Variants in EYS observed in about 807,000 individuals in gnomAD.
EYS encodes EGF-like photoreceptor maintenance factor.
A neutral mutation model predicts 282.1 loss-of-function variants in EYS; 250 were observed. The observed-to-expected ratio is 0.89, with a 90% CI of 0.80 to 0.98. The LOEUF is 0.98. EYS is among the 50% of genes least tolerant of loss of function. EYS has a pLI of 0.00. For missense variants in EYS, 4,016 were observed against 3,709.0 expected (o/e 1.08, Z -2.15); for synonymous variants, 1,355 against 1,282.9 (o/e 1.06, Z -1.20).
intron 21 of EYS, among the ~76,000 whole-genome samples, chr6:64,816,307 T>C (rs1764740275): frequency 6.6e-6 from 1 of 152,276 alleles, no homozygotes; most frequent in Non-Finnish European, 1.5e-5. Context: ...TAAATGCGTA[T>C]ATTCAAAATC....
chr6:63,827,830 G>A (rs1342007612), intron 36 of EYS, among the ~76,000 whole-genome samples: 2 of 132,628 alleles, frequency 1.5e-5, no homozygotes, highest in Non-Finnish European at 1.6e-5. Context: ...CGGCCTGGGC[G>A]ACAGAGCAAG....
chr6:64,926,682 C>T (rs1405471224), intron 15 of EYS, among the ~76,000 whole-genome samples: 1 of 152,054 alleles, frequency 6.6e-6, no homozygotes, highest in East Asian at 1.9e-4. Context: ...GTTGATCTCC[C>T]GTGTTCCTTT....
chr6:63,914,444 C>T (rs981200043), intron 35 of EYS, among the ~76,000 whole-genome samples: 1 of 152,124 alleles, frequency 6.6e-6, no homozygotes, highest in Non-Finnish European at 1.5e-5. Flanking sequence ...TGCAGTGGCT[C>T]ACGCCTGTAA....
intron 5 of EYS, among the ~76,000 whole-genome samples, chr6:65,480,283 A>G (rs6920934): frequency 0.074 from 11,333 of 152,222 alleles, 734 homozygotes; most frequent in African/African-American, 0.16. Context: ...GTTTTTCTAC[A>G]TATCACTAAT....
rs139342824 is a variant in EYS, at chr6:65,536,471, A to T, written c.-332-40478T>A. ...AATATTAACAATTATGTTTCACAACATGGAGGTAATTACTGGAGTTATCAA... is the reference window on the plus strand; with the variant it reads ...AATATTAACAATTATGTTTCACAACTTGGAGGTAATTACTGGAGTTATCAA... On this transcript the variant is annotated intron_variant, in intron 2 of 42. Transcript: ENST00000503581. Among the ~76,000 whole-genome samples the T allele has an allele frequency of 2.6e-5, 4 of 152,254 alleles. No individual in the cohort carries two copies. In the East Asian group the frequency reaches 7.7e-4, roughly 29 times the overall value.
At chr6:65,105,260 C>T (rs141996281) in intron 12 of EYS, among the ~76,000 whole-genome samples, 1 of 151,632 alleles carries the variant, frequency 6.6e-6, no homozygotes, top group East Asian at 1.9e-4. Flanking sequence ...TTTGCCTCTA[C>T]TGAAACAATT....
intron 2 of EYS, among the ~76,000 whole-genome samples, chr6:65,497,830 G>C (rs762919117): frequency 6.6e-6 from 1 of 151,918 alleles, no homozygotes; most frequent in Non-Finnish European, 1.5e-5. Flanking sequence ...ATGTTGTGTC[G>C]TTTTGCTTAA....
chr6:64,299,772 C>A (rs755281569), intron 30 of EYS, among the ~76,000 whole-genome samples: 32 of 152,238 alleles, frequency 2.1e-4, no homozygotes, highest in Admixed American at 5.9e-4. Flanking sequence ...AGAAGGTATG[C>A]TAAACATAGA....
intron 13 of EYS, among the ~76,000 whole-genome samples, chr6:65,041,946 C>G (rs1772949831): frequency 6.6e-6 from 1 of 151,654 alleles, no homozygotes; most frequent in Non-Finnish European, 1.5e-5. Flanking sequence ...ATGGTAGCAT[C>G]TCACTTCTAG....
At chr6:64,400,318 ATTATC>A (rs1478722768) in intron 28 of EYS, 1 of 152,036 alleles carries the variant, frequency 6.6e-6, no homozygotes, top group African/African-American at 2.4e-5. Flanking sequence ...TTTCAAAGAT[ATTATC>A]TTATCTGAAA....
intron 35 of EYS, among the ~76,000 whole-genome samples, chr6:63,956,809 CA>C (rs1765845328): frequency 6.6e-6 from 1 of 152,080 alleles, no homozygotes; most frequent in Admixed American, 6.6e-5. Flanking sequence ...CAGCACTTGC[CA>C]AAAAAGTTTA....
intron 36 of EYS, among the ~76,000 whole-genome samples, chr6:63,852,827 C>A (rs1746055929): frequency 6.6e-6 from 1 of 152,156 alleles, no homozygotes; most frequent in African/African-American, 2.4e-5. Flanking sequence ...GGTGGTTCTA[C>A]ATATGCAAAT....
intron 22 of EYS, among the ~76,000 whole-genome samples, chr6:64,691,801 T>G (rs549092451): frequency 7.9e-5 from 12 of 152,344 alleles, no homozygotes; most frequent in African/African-American, 2.2e-4. Flanking sequence ...AGCCTCCAGC[T>G]CCATCCATCT....
intron 34 of EYS, among the ~76,000 whole-genome samples, chr6:63,991,587 G>C (rs140766755): frequency 6.6e-6 from 1 of 151,368 alleles, no homozygotes; most frequent in African/African-American, 2.4e-5. Flanking sequence ...GAATTTCAAC[G>C]GCAGGCTTGG....
rs1227254475 is a variant in EYS, at chr6:64,667,161, A to G, written c.3444-40916T>C. Among the ~76,000 whole-genome samples the G allele has an allele frequency of 4.0e-5, 6 of 149,788 alleles. No individual in the cohort carries two copies. In the East Asian group the frequency reaches 1.2e-3, roughly 29 times the overall value. The stretch of plus-strand genomic sequence containing the variant: ...AATGAAATGTGTAAGAGCACAGAGA[A>G]CTTATTAAATATTTAATAATATTTA... On this transcript the variant is annotated intron_variant, in intron 22 of 42. Transcript: ENST00000503581.
chr6:65,245,985 TTGTC>T (rs1158376371), intron 12 of EYS, among the ~76,000 whole-genome samples: 1 of 152,100 alleles, frequency 6.6e-6, no homozygotes, highest in Non-Finnish European at 1.5e-5. Flanking sequence ...ACCAACCTTG[TTGTC>T]TTTCTATTTT....
intron 5 of EYS, among the ~76,000 whole-genome samples, chr6:65,475,262 A>C (rs911063168): frequency 1.3e-5 from 2 of 152,102 alleles, no homozygotes; most frequent in Non-Finnish European, 2.9e-5. Context: ...AAAAATACAC[A>C]AGTAGTTCTT....
At chr6:65,702,392 T>C (rs1434172186) in intron 1 of EYS, among the ~76,000 whole-genome samples, 2 of 152,214 alleles carry the variant, frequency 1.3e-5, no homozygotes, top group African/African-American at 2.4e-5. Flanking sequence ...CAGATTAGCT[T>C]ATAAAGCATA....
intron 22 of EYS, among the ~76,000 whole-genome samples, chr6:64,674,829 G>T (rs1027379848): frequency 1.3e-5 from 2 of 150,820 alleles, no homozygotes; most frequent in Non-Finnish European, 3.0e-5. Context: ...TCTACGTTTG[G>T]GGCTTTGTTA....
Sources: gnomAD v4.1 joint callset for allele counts (sites outside exome capture counted in the v4.1 genomes callset) on GRCh38, gnomAD v4.1.1 for gene constraint, MANE v1.5 for transcripts, NCBI Gene and HGNC (gene_info 2026-07-23, HGNC 2026-07-21) for gene names.